Variants in GPR173 observed in about 807,000 individuals in gnomAD.
The protein encoded by GPR173 is probable G protein-coupled receptor 173.
A neutral mutation model predicts 13.9 loss-of-function variants in GPR173; 2 were observed. The ratio of observed to expected loss-of-function variants is 0.14; its 90% CI spans 0.06 to 0.45. GPR173 has a LOEUF of 0.45. GPR173 is among the 20% of genes least tolerant of loss of function. The pLI is 0.98. For missense variants in GPR173, 202 were observed against 340.5 expected, an observed-to-expected ratio of 0.59 and a Z score of 3.20; for synonymous variants, 131 against 141.0, an observed-to-expected ratio of 0.93 and a Z score of 0.50.
At chrX:53,052,431 CTGAG>C (rs1481304189) in intron 1 of GPR173, among the ~76,000 whole-genome samples, 1 of 111,110 alleles carries the variant, frequency 9.0e-6, no homozygotes, top group Non-Finnish European at 1.9e-5. Flanking sequence ...GTCTGAATTT[CTGAG>C]TATGTGAGTG....
At chrX:53,072,393 GCTCTCT>G (rs111935395) in intron 1 of GPR173, among the ~76,000 whole-genome samples, 22 of 90,102 alleles carry the variant, frequency 2.4e-4, no homozygotes, top group East Asian at 1.4e-3. Flanking sequence ...TCTCTCTCTT[GCTCTCT>G]CTCTCTCTCT....
intron 1 of GPR173, among the ~76,000 whole-genome samples, chrX:53,075,206 G>A (rs782185710): frequency 5.7e-4 from 61 of 106,363 alleles, no homozygotes; most frequent in African/African-American, 2.0e-3. Flanking sequence ...TGCTCTGGCC[G>A]TTCCCCCTGC....
At chrX:53,073,870 T>C (rs1932308676) in intron 1 of GPR173, among the ~76,000 whole-genome samples, 1 of 62,387 alleles carries the variant, frequency 1.6e-5, no homozygotes, top group East Asian at 4.9e-4. Context: ...ATATATTTTA[T>C]ATATAATTAT....
intron 1 of GPR173, among the ~76,000 whole-genome samples, chrX:53,064,799 T>C (rs1270794405): frequency 9.0e-6 from 1 of 111,302 alleles, no homozygotes; most frequent in Non-Finnish European, 1.9e-5. Context: ...ACTCCTGTGA[T>C]AACAGCATTA....
intron 1 of GPR173, among the ~76,000 whole-genome samples, chrX:53,072,499 TTCC>T (rs1297231570): frequency 2.1e-4 from 23 of 108,135 alleles, no homozygotes; most frequent in African/African-American, 7.1e-4. Flanking sequence ...TTCACCCTTC[TTCC>T]CCTTTTTGTC....
chrX:53,058,815 T>C (rs1932076874), intron 1 of GPR173, among the ~76,000 whole-genome samples: 2 of 111,176 alleles, frequency 1.8e-5, no homozygotes, highest in South Asian at 7.5e-4. Context: ...TATCTGTAAG[T>C]GTGTAGGTTC....
At position 53,048,894 on chromosome X, in the gene GPR173, G is replaced by T. The variant is rs1386897077; in HGVS notation, c.-688G>T. On this transcript the variant is annotated 5_prime_UTR_variant, in exon 1 of 2. Transcript: ENST00000332582. ...ATCCCCGCCAGGCCCGGGGAGCGGG[G>T]TGAGCCTGGATGAGAGCCCCCCCAA... Among the ~76,000 whole-genome samples the T allele has an allele frequency of 9.0e-6, 1 of 111,087 alleles. No homozygotes were observed. Among genetic ancestry groups the T allele is most frequent in the African/African-American group, 3.3e-5 (1 of 30,591 alleles).
chrX:53,051,299 C>T (rs1441123947), intron 1 of GPR173, among the ~76,000 whole-genome samples: 3 of 109,480 alleles, frequency 2.7e-5, no homozygotes, highest in East Asian at 2.9e-4. Flanking sequence ...AGACTGAGGC[C>T]CAGAAGACCA....
In GPR173 at chrX:53,080,105, G is replaced by T. The variant is rs782476781; in HGVS notation, c.*2362G>T. ...TGGGAATTGAGGATCAAATGTGAGG[G>T]AAACTGATGAGGTTAGGAAATGCCC... is the stretch of plus-strand genomic sequence containing the variant. On this transcript the variant is annotated 3_prime_UTR_variant, in exon 2 of 2. Transcript: ENST00000332582. The T allele has an allele frequency of 6.7e-4, 82 of 122,735 alleles. No homozygotes were observed. Among genetic ancestry groups the T allele is most frequent in the African/African-American group, 2.6e-3 (80 of 30,699 alleles). 10.1% of individuals were successfully genotyped at this position (122,735 alleles called of 1,213,427 possible). A position where few individuals can be genotyped will look rare whatever the true frequency, so the allele number is the denominator to read the frequency against.
chrX:53,070,859 G>T (rs1359136350), intron 1 of GPR173: 2 of 111,361 alleles, frequency 1.8e-5, no homozygotes, highest in Non-Finnish European at 3.8e-5. Flanking sequence ...ATACAAATAA[G>T]AAATAAAAGA....
chrX:53,073,777 TTA>T (rs1410578363), intron 1 of GPR173, among the ~76,000 whole-genome samples: 2 of 81,902 alleles, frequency 2.4e-5, no homozygotes, highest in African/African-American at 9.3e-5. Flanking sequence ...ATATATAAAA[TTA>T]TATATATATA....
intron 1 of GPR173, among the ~76,000 whole-genome samples, chrX:53,052,601 A>G (rs1223310950): frequency 1.0e-5 from 1 of 99,211 alleles, no homozygotes; most frequent in Non-Finnish European, 2.0e-5. Flanking sequence ...CCACACACAC[A>G]CGTGTGTGTG....
rs782696614 is a variant in GPR173, at chrX:53,080,299, C to G, written c.*2556C>G. On this transcript the variant is annotated 3_prime_UTR_variant, in exon 2 of 2. Coordinates refer to ENST00000332582, the MANE Select transcript of GPR173 (RefSeq NM_018969.6). ...GGAGTCTACCCAGCCAGCCTGCTCC[C>G]TAGACAGTTAATTTACTATCTGGTT... 2 of 122,278 alleles carry G rather than the reference C, an allele frequency of 1.6e-5. No homozygotes were observed. The highest frequency in any genetic ancestry group is 3.8e-4 in the South Asian group (1 of 2,617). The allele number at this position is 122,278 out of a possible 1,213,427, so 10.1% of individuals were successfully genotyped here. A position where few individuals can be genotyped will look rare whatever the true frequency, so the allele number is the denominator to read the frequency against.
chrX:53,068,778 A>AAATAAATAAATT (rs1243792831), intron 1 of GPR173, among the ~76,000 whole-genome samples: 2 of 105,293 alleles, frequency 1.9e-5, no homozygotes, highest in African/African-American at 7.0e-5. Context: ...ATAAATAAAT[A>AAATAAATAAATT]AATAAATAAA....
At chrX:53,059,824 AC>A (rs1932096698) in intron 1 of GPR173, among the ~76,000 whole-genome samples, 6 of 104,702 alleles carry the variant, frequency 5.7e-5, no homozygotes, top group Admixed American at 2.1e-4. Flanking sequence ...ACCTGTCTCT[AC>A]AAAAAATAGA....
chrX:53,077,579 C>A lies in GPR173; in HGVS notation c.958C>A (p.Arg320Ser), dbSNP rs1201095125. 2 of 1,211,450 alleles carry A rather than the reference C, an allele frequency of 1.7e-6. No homozygotes were observed. Among genetic ancestry groups the A allele is most frequent in the Non-Finnish European group, 2.2e-6 (2 of 895,072 alleles). ...TGTGAAAGCCTGTGCTGTGCCCCAC[C>A]GCTACCTGGCCACTGCTGTTTGGAT... ...VFVKACAVPHRYLATAVWMSF... is the reference protein window; with the variant it reads ...VFVKACAVPHSYLATAVWMSF... Residue 320 changes from arginine (R) to serine (S), a missense_variant, in exon 2 of 2, where the codon CGC becomes AGC. Transcript: ENST00000332582.
chrX:53,050,977 C>T (rs976242962), intron 1 of GPR173, among the ~76,000 whole-genome samples: 1 of 112,671 alleles, frequency 8.9e-6, no homozygotes, highest in Non-Finnish European at 1.9e-5. Context: ...GGCTTGCAGC[C>T]TGCAGCCTTT....
At position 53,048,891 on chromosome X, in the gene GPR173, G is replaced by T. The variant is rs1238985385; in HGVS notation, c.-691G>T. 9.0e-6 allele frequency among the ~76,000 whole-genome samples: 1 copy of T among 111,029 alleles called. No individual in the cohort carries two copies. Among genetic ancestry groups the T allele is most frequent in the Non-Finnish European group, 1.9e-5 (1 of 52,633 alleles). ...CCCATCCCCGCCAGGCCCGGGGAGC[G>T]GGGTGAGCCTGGATGAGAGCCCCCC... On this transcript the variant is annotated 5_prime_UTR_variant, in exon 1 of 2. Transcript: ENST00000332582.
chrX:53,058,888 G>A (rs1221163877), intron 1 of GPR173, among the ~76,000 whole-genome samples: 3 of 102,667 alleles, frequency 2.9e-5, no homozygotes, highest in South Asian at 4.3e-4. Flanking sequence ...AACGCATTTC[G>A]CCTAGACCTG....
Sources: allele counts gnomAD v4.1 joint callset (sites outside exome capture counted in the v4.1 genomes callset), GRCh38; gene constraint gnomAD v4.1.1; transcripts MANE v1.5; gene names NCBI Gene and HGNC (gene_info 2026-07-23, HGNC 2026-07-21).